FRMD8: variants seen among roughly 807,000 people sequenced by gnomAD.
FRMD8 encodes FERM domain containing 8.
Under a neutral mutation model 54.2 loss-of-function variants are expected in FRMD8, and 37 were observed. That is an observed-to-expected ratio of 0.68 (90% CI 0.53 to 0.90). The LOEUF (loss-of-function observed/expected upper bound fraction) is 0.90. Ranked by LOEUF, FRMD8 falls within the 40% of genes least tolerant of loss-of-function variation. The pLI, the probability that FRMD8 is intolerant of heterozygous loss-of-function variation, is 0.00. For synonymous variants in FRMD8, 246 were observed against 286.9 expected (o/e 0.86, Z 1.44); for missense variants, 585 against 653.7 (o/e 0.89, Z 1.15).
the FRMD8 span, chr11:65,381,161 G>T: frequency 6.5e-6 from 1 of 153,104 alleles, no homozygotes; most frequent in Non-Finnish European, 1.5e-5. Context: ...ACAGGGTCTT[G>T]CTGGTGTTGT....
chr11:65,376,599 G>A, the FRMD8 span: 4 of 1,614,108 alleles, frequency 2.5e-6, no homozygotes, highest in South Asian at 2.2e-5. Flanking sequence ...TCCGGGACTT[G>A]ATCATGTCTA....
the FRMD8 span, chr11:65,380,270 AAGG>A: frequency 6.3e-7 from 1 of 1,582,306 alleles, no homozygotes; most frequent in Non-Finnish European, 8.7e-7. Flanking sequence ...AGGCAGGAGG[AAGG>A]AGAGCAGGGC....
chr11:65,378,322 A>G, the FRMD8 span: 3 of 152,180 alleles, frequency 2.0e-5, no homozygotes, highest in Non-Finnish European at 2.9e-5. Context: ...CCCACTCCAC[A>G]CTAAAACACA....
chr11:65,392,988 G>T (rs973536308), intron 3 of FRMD8, among the ~76,000 whole-genome samples: 3 of 152,210 alleles, frequency 2.0e-5, no homozygotes, highest in East Asian at 3.8e-4. Flanking sequence ...GGCCAAGGTG[G>T]CAGGAGCAGA....
In FRMD8 at chr11:65,396,955, C is replaced by T. The variant is rs531135440; in HGVS notation, c.738C>T (p.Cys246=). The T allele has an allele frequency of 8.5e-5, 129 of 1,515,288 alleles. No individual in the cohort carries two copies. The highest frequency in any genetic ancestry group is 3.4e-4 in the South Asian group (27 of 79,892). 93.9% of individuals were successfully genotyped at this position (1,515,288 alleles called of 1,614,324 possible). ...QVQEVSSDGG[C]EAALGTHYRA... is the part of the protein sequence containing the mutation. ...AGGAGGTCAGCAGCGACGGCGGGTG[C>T]GAGGCCGCCCTGGGCACCCACTACC... Residue 246 remains cysteine, a synonymous_variant, in exon 7 of 11, where the codon TGC becomes TGT. Transcript: ENST00000317568.
At chr11:65,373,415 A>G in the FRMD8 span, among the ~76,000 whole-genome samples, 2 of 152,202 alleles carry the variant, frequency 1.3e-5, no homozygotes, top group African/African-American at 4.8e-5. Context: ...CCGAAAGGGC[A>G]GCACATTCCC....
At chr11:65,399,158 C>A (rs377669483) in intron 7 of FRMD8, among the ~76,000 whole-genome samples, 1 of 152,024 alleles carries the variant, frequency 6.6e-6, no homozygotes, top group Non-Finnish European at 1.5e-5. Context: ...CCACCATGCC[C>A]GGCTAATTTT....
At chr11:65,390,617 A>C (rs1422846912) in intron 3 of FRMD8, among the ~76,000 whole-genome samples, 4 of 124,866 alleles carry the variant, frequency 3.2e-5, no homozygotes, top group South Asian at 2.9e-4. Context: ...GTGCCCGCCC[A>C]CCCTCTTCCT....
Position 65,404,978 on chromosome 11 carries a change from G to C in FRMD8, c.1186G>C (p.Ala396Pro). Residue 396 changes from alanine to proline, a missense_variant, in exon 10 of 11, where the codon GCT (alanine) becomes CCT (proline). By Grantham distance (27) the Ala-to-Pro change is conservative (BLOSUM62 -1). Coordinates refer to ENST00000317568, the MANE Select transcript of FRMD8 (RefSeq NM_031904.5). The surrounding 1 kb of genome is among the most constrained non-coding windows in gnomAD (Gnocchi z 4.7). ...GCCCTCGGACCCCAGCTCCTCACTG[G>C]CTCCTGTTCAGCGCCCCAAGCTGCG... ...GSPSDPSSSL[A>P]PVQRPKLRRQ... 6.2e-7 allele frequency: 1 copy of C among 1,613,266 alleles called. No individual in the cohort carries two copies. The highest frequency in any genetic ancestry group is 8.5e-7 in the Non-Finnish European group (1 of 1,180,030).
intron 10 of FRMD8, among the ~76,000 whole-genome samples, chr11:65,406,012 T>TA (rs1007059533): frequency 1.6e-4 from 24 of 149,824 alleles, no homozygotes; most frequent in African/African-American, 3.3e-4. Context: ...TATATATATA[T>TA]TTTTTTTAAT....
At chr11:65,393,277 C>A (rs1336516325) in intron 3 of FRMD8, among the ~76,000 whole-genome samples, 1 of 152,248 alleles carries the variant, frequency 6.6e-6, no homozygotes, top group African/African-American at 2.4e-5. Context: ...GGCCAGTCTC[C>A]AGTTTCAGCT....
the FRMD8 span, chr11:65,376,269 C>T: frequency 9.1e-7 from 1 of 1,104,916 alleles, no homozygotes. Flanking sequence ...CAGCCCAGAT[C>T]TGCGCGGGTG....
At chr11:65,406,388 G>T (rs2137934190) in intron 10 of FRMD8, among the ~76,000 whole-genome samples, 1 of 151,970 alleles carries the variant, frequency 6.6e-6, no homozygotes, top group South Asian at 2.1e-4. Flanking sequence ...TAGAGACGGG[G>T]TTTCACCGTG....
chr11:65,387,640 G>A lies in FRMD8; in HGVS notation c.85+519G>A, dbSNP rs560552892. Reference sequence around the variant, plus strand: ...TGCAAGCCCCGCCTTCGGGGTTCACGCCATTCTCCTGCCTCAGCCTCCCGA... The same window carrying A: ...TGCAAGCCCCGCCTTCGGGGTTCACACCATTCTCCTGCCTCAGCCTCCCGA... On this transcript the variant is annotated intron_variant, in intron 2 of 10. Coordinates refer to ENST00000317568, the MANE Select transcript of FRMD8 (RefSeq NM_031904.5). 7.1e-4 allele frequency among the ~76,000 whole-genome samples: 108 copies of A among 152,150 alleles called. No homozygotes were observed. The Middle Eastern group carries it at 0.014, about 19-fold the overall frequency.
the FRMD8 span, chr11:65,379,479 T>C: frequency 6.2e-7 from 1 of 1,613,966 alleles, no homozygotes; most frequent in African/African-American, 1.3e-5. Context: ...CAGCAGGGTG[T>C]TGCTATAGAC....
At chr11:65,376,573 A>G in the FRMD8 span, 5 of 1,614,152 alleles carry the variant, frequency 3.1e-6, no homozygotes, top group Non-Finnish European at 4.2e-6. Context: ...TCTGCGTCTC[A>G]GTCCATCCAT....
chr11:65,408,420 T>C (rs1487853380), intron 10 of FRMD8, among the ~76,000 whole-genome samples: 1 of 151,866 alleles, frequency 6.6e-6, no homozygotes, highest in East Asian at 1.9e-4. Context: ...TTCTACAATG[T>C]AATTTGGACC....
chr11:65,399,294 C>T (rs927380130), intron 7 of FRMD8, among the ~76,000 whole-genome samples: 7 of 152,108 alleles, frequency 4.6e-5, no homozygotes, highest in Non-Finnish European at 8.8e-5. Context: ...CCACCGCGCC[C>T]AGCCTCTTCT....
chr11:65,405,248 C>T (rs756421001), intron 10 of FRMD8, among the ~76,000 whole-genome samples, 180 bp downstream of exon 10: 6 of 152,264 alleles, frequency 3.9e-5, no homozygotes, highest in Non-Finnish European at 7.3e-5. Context: ...CCTTTCCTGT[C>T]CCTTCTCACT....
Sources: allele counts gnomAD v4.1 joint callset (sites outside exome capture counted in the v4.1 genomes callset), GRCh38; gene constraint gnomAD v4.1.1; non-coding constraint Gnocchi (gnomAD v3.1); transcripts MANE v1.5; gene names NCBI Gene and HGNC (gene_info 2026-07-23, HGNC 2026-07-21).